Variants in MYH10 observed in about 807,000 individuals in gnomAD.
MYH10 encodes the protein myosin heavy chain 10.
MYH10 carries 55 observed loss-of-function variants against 257.8 expected under a neutral mutation model. That is an observed-to-expected ratio of 0.21 (90% confidence interval 0.17 to 0.27). The LOEUF is 0.27. Ranked by LOEUF, MYH10 falls within the 10% of genes least tolerant of loss-of-function variation. The pLI, the probability that MYH10 is intolerant of heterozygous loss-of-function variation, is 1.00. For missense variants in MYH10, 1,631 were observed against 2,500.6 expected (o/e 0.65, Z 7.42); for synonymous variants, 854 against 921.7 (o/e 0.93, Z 1.33).
intron 3 of MYH10, among the ~76,000 whole-genome samples, chr17:8,591,968 G>A (rs2084159750): frequency 6.6e-6 from 1 of 152,100 alleles, no homozygotes; most frequent in African/African-American, 2.4e-5. Flanking sequence ...ACCCTTCAAG[G>A]ATCAACTGCA....
chr17:8,592,766 C>T (rs552514398), intron 3 of MYH10, among the ~76,000 whole-genome samples: 1 of 108,340 alleles, frequency 9.2e-6, no homozygotes, highest in African/African-American at 3.4e-5. Context: ...GAGGAAGAAG[C>T]ATTTCTCAAT....
chr17:8,481,056 T>G (rs548344931), intron 38 of MYH10, among the ~76,000 whole-genome samples: 1 of 55,984 alleles, frequency 1.8e-5, no homozygotes, highest in East Asian at 5.4e-4. Flanking sequence ...CAGTGCCCGT[T>G]GGCGCACCCC....
At chr17:8,483,932 C>T (rs575186876) in intron 37 of MYH10, among the ~76,000 whole-genome samples, 2 of 152,262 alleles carry the variant, frequency 1.3e-5, no homozygotes, top group Non-Finnish European at 2.9e-5. Flanking sequence ...TATATGTGAG[C>T]AGTGTCGAAG....
rs989182741 is a variant in MYH10 at position 8,476,795 on chromosome 17, T to C, written c.5879+81A>G. 7 of 1,459,194 alleles carry C rather than the reference T, an allele frequency of 4.8e-6. No individual in the cohort carries two copies. The African/African-American group carries it at 8.4e-5, about 18-fold the overall frequency. 90.4% of individuals were successfully genotyped at this position (1,459,194 alleles called of 1,614,324 possible). ...TCACTGGGTATGGATCTAAGTAAAC[T>C]TCCTCTGACCAGCTGCACCCCGAGC... On this transcript the variant is annotated intron_variant, in intron 42 of 42. Transcript: ENST00000360416.
intron 21 of MYH10, 117 bp from the exon 22 acceptor site, chr17:8,514,011 CATCA>C: frequency 1.0e-5 from 9 of 895,918 alleles, no homozygotes; most frequent in Non-Finnish European, 1.5e-5. Flanking sequence ...GGAATGATTG[CATCA>C]ATCAAGTCCT....
chr17:8,553,443 T>C lies in MYH10; in HGVS notation c.820+512A>G, dbSNP rs11871448. ...TATACTCAAATGTGTTTTACCTGGG[T>C]ATATATGTGCATACACATATATAAA... On this transcript the variant is annotated intron_variant, in intron 8 of 42. Coordinates refer to ENST00000360416, the MANE Select transcript of MYH10 (RefSeq NM_001256012.3). Among the ~76,000 whole-genome samples the C allele has an allele frequency of 3.6e-3, 550 of 152,344 alleles. 8 individuals carry two copies. Among genetic ancestry groups the C allele is most frequent in the African/African-American group, 0.012 (510 of 41,576 alleles).
chr17:8,609,102 C>T (rs1746343387), intron 2 of MYH10, among the ~76,000 whole-genome samples: 2 of 152,200 alleles, frequency 1.3e-5, no homozygotes, highest in Non-Finnish European at 2.9e-5. Flanking sequence ...TGAGCCACCG[C>T]GCCCAGCCGA....
In MYH10 at chr17:8,492,769, G is replaced by T; in HGVS notation, c.4458+7C>A. 1.9e-6 allele frequency: 3 copies of T among 1,612,150 alleles called. No individual in the cohort carries two copies. The South Asian group carries it at 3.3e-5, about 18-fold the overall frequency. ...TGCCAGGAGGAAACGACACGTGGCC[G>T]ACCCACCTGGTCAAACTTCTTCTGC... is the stretch of plus-strand genomic sequence containing the variant. On this transcript the variant is annotated splice_region_variant and intron_variant, in intron 33 of 42. Transcript: ENST00000360416.
chr17:8,560,462 T>A (rs774183150), intron 7 of MYH10: 4 of 441,844 alleles, frequency 9.1e-6, no homozygotes, highest in Non-Finnish European at 1.7e-5. Context: ...GCCACCTGCC[T>A]CTAGCCATGG....
chr17:8,604,819 C>A lies in MYH10; in HGVS notation c.502+7G>T. On this transcript the variant is annotated splice_region_variant and intron_variant, in intron 3 of 42. Transcript: ENST00000360416. ...TGAGCATTTAGTATTCAAATATTTC[C>A]AATTACCTTGAAGCATGCATCTGTA... is the stretch of plus-strand genomic sequence containing the variant. The A allele has an allele frequency of 6.8e-7, 1 of 1,476,386 alleles. No individual in the cohort carries two copies. Among genetic ancestry groups the A allele is most frequent in the South Asian group, 1.5e-5 (1 of 64,526 alleles). 91.5% of individuals were successfully genotyped at this position (1,476,386 alleles called of 1,614,324 possible). A position where few individuals can be genotyped will look rare whatever the true frequency, so the allele number is the denominator to read the frequency against.
chr17:8,624,460 CAGA>C (rs1039395219), intron 1 of MYH10, among the ~76,000 whole-genome samples: 3 of 152,216 alleles, frequency 2.0e-5, no homozygotes, highest in African/African-American at 7.2e-5. Flanking sequence ...TTCAAACCAA[CAGA>C]AGAAGCCAAC....
At chr17:8,550,396 G>A (rs12938945) in intron 9 of MYH10, among the ~76,000 whole-genome samples, 127,915 of 136,344 alleles carry the variant, frequency 0.94, 60,078 homozygotes, top group South Asian at 0.98. Context: ...TCTGGGAGGT[G>A]AGGAGCATCT....
chr17:8,554,741 G>A (rs1871855271), intron 7 of MYH10, among the ~76,000 whole-genome samples: 1 of 152,196 alleles, frequency 6.6e-6, no homozygotes, highest in South Asian at 2.1e-4. Flanking sequence ...CCTGAGGTCA[G>A]GAGTTCAAGA....
chr17:8,581,616 C>T (rs1040612195), intron 4 of MYH10, among the ~76,000 whole-genome samples: 1 of 152,166 alleles, frequency 6.6e-6, no homozygotes, highest in Non-Finnish European at 1.5e-5. Context: ...ACATTCAAAA[C>T]CTTACTGTTG....
At chr17:8,530,088 G>C (rs147146085) in intron 17 of MYH10, among the ~76,000 whole-genome samples, 63 of 152,252 alleles carry the variant, frequency 4.1e-4, no homozygotes, top group African/African-American at 1.5e-3. Flanking sequence ...TAGCCAGATA[G>C]GCACACAAAT....
At chr17:8,547,443 A>G (rs368492660) in intron 11 of MYH10, among the ~76,000 whole-genome samples, 1 of 152,200 alleles carries the variant, frequency 6.6e-6, no homozygotes, top group South Asian at 2.1e-4. Flanking sequence ...AGGAGGTGCC[A>G]CAGCTTGGCC....
At position 8,490,682 on chromosome 17, in the gene MYH10, C is replaced by G. The variant is rs1915628364; in HGVS notation, c.4672-130G>C. 1.4e-6 allele frequency: 1 copy of G among 728,822 alleles called. No individual in the cohort carries two copies. The highest frequency in any genetic ancestry group is 1.7e-5 in the African/African-American group (1 of 57,328). The allele number at this position is 728,822 out of a possible 1,614,324, so 45.1% of individuals were successfully genotyped here. A position where few individuals can be genotyped will look rare whatever the true frequency, so the allele number is the denominator to read the frequency against. ...TGGTCCCCCTGGGCCGGCCCCCTGC[C>G]ACATGCATACACATCCTTCCCTCTC... On this transcript the variant is annotated intron_variant, in intron 34 of 42. Coordinates refer to ENST00000360416, the MANE Select transcript of MYH10 (RefSeq NM_001256012.3). This position sits in a 1 kb window ranked among gnomAD's most constrained non-coding sequence, Gnocchi z 4.1.
intron 2 of MYH10, among the ~76,000 whole-genome samples, chr17:8,608,543 T>C (rs1336809315): frequency 6.6e-6 from 1 of 152,216 alleles, no homozygotes; most frequent in East Asian, 1.9e-4. Flanking sequence ...GTATGGTGGG[T>C]GAGCCAAGCA....
In MYH10 at chr17:8,529,690, T is replaced by C. The variant is rs555792329; in HGVS notation, c.1957+933A>G. Among the ~76,000 whole-genome samples, 13 of 152,324 alleles carry C rather than the reference T, an allele frequency of 8.5e-5. No individual in the cohort carries two copies. In the East Asian group the frequency reaches 2.5e-3, roughly 29 times the overall value. ...TAGAGGTGATGGCAGGAATTTTGAGTTGGATTAAAATAGGCATGGCCCTTT... is the reference window on the plus strand; with the variant it reads ...TAGAGGTGATGGCAGGAATTTTGAGCTGGATTAAAATAGGCATGGCCCTTT... On this transcript the variant is annotated intron_variant, in intron 17 of 42. Transcript: ENST00000360416.
Sources: gnomAD v4.1 joint callset for allele counts (sites outside exome capture counted in the v4.1 genomes callset) on GRCh38, gnomAD v4.1.1 for gene constraint, Gnocchi (gnomAD v3.1) non-coding constraint, MANE v1.5 for transcripts, NCBI Gene and HGNC (gene_info 2026-07-23, HGNC 2026-07-21) for gene names.